The following GSAP variants were observed in gnomAD, a reference collection of about 807,000 sequenced individuals.
GSAP encodes the protein gamma-secretase-activating protein.
Under a neutral mutation model 131.7 loss-of-function variants are expected in GSAP, and 118 were observed. That is an observed-to-expected ratio of 0.90 (90% CI 0.77 to 1.04). GSAP has a LOEUF of 1.04. GSAP is among the 50% of genes least tolerant of loss of function. The probability of loss-of-function intolerance (pLI) is 0.00; values close to 1 mark genes in which losing one functional copy is unlikely to be tolerated. For synonymous variants in GSAP, 381 were observed against 363.4 expected, an observed-to-expected ratio of 1.05 and a Z score of -0.55; for missense variants, 1,019 against 1,013.2, an observed-to-expected ratio of 1.01 and a Z score of -0.08.
intron 26 of GSAP, among the ~76,000 whole-genome samples, chr7:77,319,042 G>A (rs1787248757): frequency 6.6e-6 from 1 of 151,992 alleles, no homozygotes; most frequent in Non-Finnish European, 1.5e-5. Context: ...TTGTGCACAT[G>A]TACCCTAAAA....
intron 5 of GSAP, among the ~76,000 whole-genome samples, chr7:77,389,906 T>G (rs1410088796): frequency 6.6e-6 from 1 of 152,208 alleles, no homozygotes; most frequent in Non-Finnish European, 1.5e-5. Flanking sequence ...ACCAACAGTG[T>G]GAAAGTGTTC....
intron 1 of GSAP, among the ~76,000 whole-genome samples, chr7:77,407,267 TTGTC>T (rs777448247): frequency 2.6e-5 from 4 of 152,242 alleles, no homozygotes; most frequent in Non-Finnish European, 5.9e-5. Context: ...AAGGTCTACT[TTGTC>T]TGATATTAGT....
At chr7:77,350,263 G>C (rs1006973342) in intron 18 of GSAP, among the ~76,000 whole-genome samples, 2 of 113,476 alleles carry the variant, frequency 1.8e-5, no homozygotes, top group African/African-American at 7.1e-5. Context: ...TCACACTCTG[G>C]GGACTGTTGT....
At chr7:77,320,577 C>T in intron 26 of GSAP, 148 bp downstream of exon 26, 1 of 618,704 alleles carries the variant, frequency 1.6e-6, no homozygotes, top group East Asian at 2.7e-5. Context: ...CAGAGACCAA[C>T]CTAAGGGCCC....
chr7:77,349,307 T>C (rs780465192), intron 19 of GSAP, 44 bp downstream of exon 19: 1 of 1,417,754 alleles, frequency 7.1e-7, no homozygotes, highest in African/African-American at 1.4e-5. Context: ...AGCAGAGCTT[T>C]AGTCATGTAT....
intron 9 of GSAP, 28 bp downstream of exon 9, chr7:77,377,258 A>AAAAAAAAAAAAAAAAG: frequency 5.7e-6 from 8 of 1,400,736 alleles, no homozygotes; most frequent in Non-Finnish European, 6.6e-6. Flanking sequence ...AAAAAAAAAA[A>AAAAAAAAAAAAAAAAG]GGAGTGCCCG....
intron 7 of GSAP, 47 bp from the exon 8 acceptor site, chr7:77,381,401 A>G: frequency 1.0e-6 from 1 of 973,926 alleles, no homozygotes. Context: ...AAGGAAATAT[A>G]TGAGTACTAT....
intron 19 of GSAP, among the ~76,000 whole-genome samples, chr7:77,336,772 G>A (rs925304026): frequency 6.6e-6 from 1 of 152,212 alleles, no homozygotes; most frequent in South Asian, 2.1e-4. Context: ...ATAGGCATGA[G>A]CCACCGTGCC....
intron 1 of GSAP, among the ~76,000 whole-genome samples, chr7:77,411,895 A>C (rs962963273): frequency 6.6e-6 from 1 of 152,196 alleles, no homozygotes. Flanking sequence ...AGATGTTGTC[A>C]TGGCCGGGCA....
At chr7:77,330,945 A>G (rs746168886) in intron 19 of GSAP, 11 of 725,882 alleles carry the variant, frequency 1.5e-5, no homozygotes, top group Non-Finnish European at 1.7e-5. Context: ...TGAATTATTG[A>G]TATAATTGTA....
chr7:77,333,491 CCT>C (rs1789470466), intron 19 of GSAP, among the ~76,000 whole-genome samples: 1 of 152,142 alleles, frequency 6.6e-6, no homozygotes. Context: ...TTGGGGTATG[CCT>C]GAGCCTTATG....
chr7:77,409,527 A>T (rs1802898613), intron 1 of GSAP, among the ~76,000 whole-genome samples: 1 of 152,212 alleles, frequency 6.6e-6, no homozygotes, highest in Non-Finnish European at 1.5e-5. Context: ...GTTCTGTATC[A>T]AGCTTACAAT....
intron 20 of GSAP, chr7:77,329,621 A>G: frequency 3.5e-6 from 1 of 287,780 alleles, no homozygotes. Flanking sequence ...AACAACACTA[A>G]TCTACATGCA....
intron 24 of GSAP, among the ~76,000 whole-genome samples, chr7:77,322,617 T>C (rs552881047): frequency 1.4e-5 from 2 of 146,796 alleles, no homozygotes; most frequent in South Asian, 4.3e-4. Flanking sequence ...AGCAAGTTAA[T>C]GTCAACATGG....
chr7:77,355,136 T>C, intron 16 of GSAP, 77 bp downstream of exon 16: 2 of 945,184 alleles, frequency 2.1e-6, no homozygotes. Flanking sequence ...AAATAACTCC[T>C]GACCATTTTC....
rs11353263 is a variant in GSAP, at chr7:77,355,787, G to GTTTTTT, written c.1028-146_1028-141dup. 1,130 of 294,294 alleles carry GTTTTTT rather than the reference G, an allele frequency of 3.8e-3. 3 individuals carry two copies. Among genetic ancestry groups the GTTTTTT allele is most frequent in the South Asian group, 0.013 (381 of 30,190 alleles). 18.2% of individuals were successfully genotyped at this position (294,294 alleles called of 1,614,324 possible). ...GTAATAAGCTATCTAATGACAGCCC[G>GTTTTTT]TTTTTTTTTTTTTTTTTTTAAGACA... On this transcript the variant is annotated intron_variant, in intron 14 of 30. Transcript: ENST00000257626.
Position 77,311,878 on chromosome 7 carries a change from G to C in GSAP, c.2436C>G (p.Phe812Leu), listed in dbSNP as rs1794406296. 1 of 1,594,932 alleles carries C rather than the reference G, an allele frequency of 6.3e-7. No individual in the cohort carries two copies. Among genetic ancestry groups the C allele is most frequent in the South Asian group, 1.1e-5 (1 of 90,698 alleles). Residue 812 changes from phenylalanine to leucine, a missense_variant, in exon 30 of 31, where the codon TTC becomes TTG. Phe to Leu is a conservative substitution (Grantham distance 22, BLOSUM62 0). Coordinates refer to ENST00000257626, the MANE Select transcript of GSAP (RefSeq NM_017439.4). Reference sequence around the variant, plus strand: ...ACTCTATATCTGTCAGAATTTCAATGAAGTAGTTCAGAGGCAGAAATTCTA... The same window carrying C: ...ACTCTATATCTGTCAGAATTTCAATCAAGTAGTTCAGAGGCAGAAATTCTA... ...FSVEFLPLNY[F>L]IEILTDIESS... is the part of the protein sequence containing the mutation.
intron 16 of GSAP, 56 bp from the exon 17 acceptor site, chr7:77,353,697 T>C: frequency 9.6e-7 from 1 of 1,045,208 alleles, no homozygotes; most frequent in Non-Finnish European, 1.5e-6. Flanking sequence ...CTGCCTCCAC[T>C]ACCAAAGAAG....
intron 28 of GSAP, among the ~76,000 whole-genome samples, 200 bp downstream of exon 28, chr7:77,313,288 C>T (rs892614657): frequency 2.5e-4 from 32 of 129,006 alleles, no homozygotes; most frequent in Non-Finnish European, 8.5e-5. Context: ...AGTGCAGAGC[C>T]AGAGAGCAAG....
Sources: allele counts gnomAD v4.1 joint callset (sites outside exome capture counted in the v4.1 genomes callset), GRCh38; gene constraint gnomAD v4.1.1; transcripts MANE v1.5; gene names NCBI Gene and HGNC (gene_info 2026-07-23, HGNC 2026-07-21).